FHIP1A: variants seen among roughly 807,000 people sequenced by gnomAD.
FHIP1A encodes FHF complex subunit HOOK interacting protein 1A.
In FHIP1A, 61 loss-of-function variants were observed where a neutral mutation model predicts 88.6. That is an observed-to-expected ratio of 0.69 (90% confidence interval 0.56 to 0.85). FHIP1A has a LOEUF of 0.85. Ranked by LOEUF, FHIP1A falls within the 40% of genes least tolerant of loss-of-function variation. The pLI, the probability that FHIP1A is intolerant of heterozygous loss-of-function variation, is 0.00. For missense variants in FHIP1A, 1,154 were observed against 1,273.5 expected (o/e 0.91, Z 1.43); for synonymous variants, 478 against 496.0 (o/e 0.96, Z 0.48).
intron 4 of FHIP1A, among the ~76,000 whole-genome samples, chr4:151,567,951 T>C (rs935106947): frequency 6.6e-6 from 1 of 152,210 alleles, no homozygotes; most frequent in African/African-American, 2.4e-5. Flanking sequence ...TACCTTTGAT[T>C]ATAATCATTT....
intron 7 of FHIP1A, among the ~76,000 whole-genome samples, chr4:151,604,416 G>A (rs937705325): frequency 1.3e-5 from 2 of 152,070 alleles, no homozygotes; most frequent in Non-Finnish European, 2.9e-5. Context: ...ATTCACAGGG[G>A]TACTAGGAGA....
intron 3 of FHIP1A, among the ~76,000 whole-genome samples, chr4:151,492,142 G>T (rs1158795178): frequency 6.6e-6 from 1 of 152,098 alleles, no homozygotes; most frequent in Non-Finnish European, 1.5e-5. Context: ...CTATACCGTA[G>T]AACAAATGGA....
At chr4:151,616,543 G>T (rs1735537364) in intron 7 of FHIP1A, among the ~76,000 whole-genome samples, 1 of 149,882 alleles carries the variant, frequency 6.7e-6, no homozygotes, top group African/African-American at 2.5e-5. Context: ...CCGCCTCCCG[G>T]GTTCACGCCA....
chr4:151,472,164 C>T (rs1443508077), intron 2 of FHIP1A, among the ~76,000 whole-genome samples: 1 of 152,174 alleles, frequency 6.6e-6, no homozygotes, highest in East Asian at 1.9e-4. Flanking sequence ...GATTACAGGG[C>T]TTATTGTTTA....
At chr4:151,466,583 C>T (rs1729322547) in intron 2 of FHIP1A, among the ~76,000 whole-genome samples, 1 of 152,110 alleles carries the variant, frequency 6.6e-6, no homozygotes, top group African/African-American at 2.4e-5. Context: ...TCAAAGTATA[C>T]TACAAGGCTA....
intron 9 of FHIP1A, among the ~76,000 whole-genome samples, chr4:151,645,834 T>G (rs1736772934): frequency 6.6e-6 from 1 of 152,086 alleles, no homozygotes; most frequent in African/African-American, 2.4e-5. Flanking sequence ...TGCTCAGGTT[T>G]TCTTGTCCCC....
chr4:151,593,732 C>T (rs959543810), intron 7 of FHIP1A, among the ~76,000 whole-genome samples: 1 of 152,182 alleles, frequency 6.6e-6, no homozygotes, highest in Non-Finnish European at 1.5e-5. Flanking sequence ...TTCCTCTCTT[C>T]CTGTTTGAAT....
At chr4:151,544,018 GGC>G (rs2126732134) in intron 3 of FHIP1A, among the ~76,000 whole-genome samples, 1 of 152,292 alleles carries the variant, frequency 6.6e-6, no homozygotes, top group African/African-American at 2.4e-5. Flanking sequence ...CAAGTGTCAT[GGC>G]TCAAATTGCG....
At chr4:151,555,243 T>C (rs1245176266) in intron 3 of FHIP1A, among the ~76,000 whole-genome samples, 1 of 152,162 alleles carries the variant, frequency 6.6e-6, no homozygotes, top group Non-Finnish European at 1.5e-5. Flanking sequence ...AAGAAAATTT[T>C]CTCTAGCCTT....
intron 3 of FHIP1A, among the ~76,000 whole-genome samples, chr4:151,548,655 C>T (rs1426758934): frequency 6.6e-6 from 1 of 152,202 alleles, no homozygotes; most frequent in Non-Finnish European, 1.5e-5. Context: ...GGCACAGTGG[C>T]TCACGCCTGT....
intron 3 of FHIP1A, among the ~76,000 whole-genome samples, chr4:151,522,640 C>T (rs937462632): frequency 6.6e-6 from 1 of 152,184 alleles, no homozygotes; most frequent in Non-Finnish European, 1.5e-5. Flanking sequence ...AAACAAAACC[C>T]AAAACCATCA....
chr4:151,434,889 T>A (rs375686201), intron 1 of FHIP1A, among the ~76,000 whole-genome samples: 3 of 152,150 alleles, frequency 2.0e-5, no homozygotes, highest in African/African-American at 7.2e-5. Flanking sequence ...TAAGAAAATA[T>A]CTTTTCTTTT....
chr4:151,559,619 T>C (rs968392704), intron 3 of FHIP1A, among the ~76,000 whole-genome samples: 1 of 152,246 alleles, frequency 6.6e-6, no homozygotes, highest in Non-Finnish European at 1.5e-5. Flanking sequence ...TTTTTATAAT[T>C]GTAACATAGT....
intron 3 of FHIP1A, among the ~76,000 whole-genome samples, chr4:151,508,589 A>G (rs1053598764): frequency 9.2e-5 from 14 of 152,186 alleles, no homozygotes; most frequent in Non-Finnish European, 1.8e-4. Context: ...ATCCCTAACC[A>G]TTGTTTAAAC....
rs558126604 is a variant in FHIP1A, at chr4:151,518,459, A to G, written c.-123+35811A>G. On this transcript the variant is annotated intron_variant, in intron 3 of 13. Transcript: ENST00000435205. Reference sequence around the variant, plus strand: ...ACAACATATGACTATATGTTTTCATATACTCTACATTTCAGCAGATATTCT... The same window carrying G: ...ACAACATATGACTATATGTTTTCATGTACTCTACATTTCAGCAGATATTCT... Among the ~76,000 whole-genome samples the G allele has an allele frequency of 5.3e-5, 8 of 152,210 alleles. No homozygotes were observed. In the South Asian group the frequency reaches 1.7e-3, roughly 32 times the overall value.
chr4:151,631,802 A>T (rs1237634521), intron 8 of FHIP1A, among the ~76,000 whole-genome samples: 5 of 152,152 alleles, frequency 3.3e-5, no homozygotes, highest in Admixed American at 3.3e-4. Context: ...CCAACTACTG[A>T]CTTTTACTTT....
intron 5 of FHIP1A, among the ~76,000 whole-genome samples, chr4:151,580,368 C>A (rs542577353): frequency 6.6e-6 from 1 of 152,148 alleles, no homozygotes. Flanking sequence ...ACTTTACAAG[C>A]GATGCTATGT....
chr4:151,518,599 A>G (rs935176860), intron 3 of FHIP1A, among the ~76,000 whole-genome samples: 2 of 147,816 alleles, frequency 1.4e-5, no homozygotes, highest in African/African-American at 2.5e-5. Flanking sequence ...TACCATTAAC[A>G]TTGTTCTATA....
chr4:151,614,333 G>T (rs987722172), intron 7 of FHIP1A, among the ~76,000 whole-genome samples: 33 of 152,008 alleles, frequency 2.2e-4, no homozygotes, highest in African/African-American at 8.0e-4. Flanking sequence ...CCCAGGTGTG[G>T]TGGCATGCAC....
Sources: allele counts gnomAD v4.1 joint callset (sites outside exome capture counted in the v4.1 genomes callset), GRCh38; gene constraint gnomAD v4.1.1; transcripts MANE v1.5; gene names NCBI Gene and HGNC (gene_info 2026-07-23, HGNC 2026-07-21).